ADAMTSL1: variants seen among roughly 807,000 people sequenced by gnomAD.
The protein encoded by ADAMTSL1 is ADAMTS-like protein 1.
A neutral mutation model predicts 201.8 loss-of-function variants in ADAMTSL1; 126 were observed. The observed-to-expected ratio is 0.62, with a 90% confidence interval of 0.54 to 0.72. The LOEUF (loss-of-function observed/expected upper bound fraction) is 0.72, where lower values mean the gene tolerates loss of function less well. Ranked by LOEUF, ADAMTSL1 falls within the 30% of genes least tolerant of loss-of-function variation. ADAMTSL1 has a pLI of 0.00. For missense variants in ADAMTSL1, 2,679 were observed against 2,277.8 expected, an observed-to-expected ratio of 1.18 and a Z score of -3.59; for synonymous variants, 1,121 against 903.4, an observed-to-expected ratio of 1.24 and a Z score of -4.32.
chr9:17,936,560 T>A (rs181825241), intron 1 of ADAMTSL1, among the ~76,000 whole-genome samples: 1 of 152,290 alleles, frequency 6.6e-6, no homozygotes, highest in Admixed American at 6.5e-5. Flanking sequence ...GCTCTAACAA[T>A]CTGTGAATGT....
At chr9:18,435,671 C>G (rs941871718) in intron 2 of ADAMTSL1, among the ~76,000 whole-genome samples, 5 of 152,132 alleles carry the variant, frequency 3.3e-5, no homozygotes, top group Non-Finnish European at 5.9e-5. Context: ...GTGTATTAAT[C>G]CATTTTCACA....
At chr9:18,557,893 C>T (rs1356638753) in intron 3 of ADAMTSL1, among the ~76,000 whole-genome samples, 1 of 151,840 alleles carries the variant, frequency 6.6e-6, no homozygotes, top group Non-Finnish European at 1.5e-5. Flanking sequence ...AGATTTTATT[C>T]CCTGTTGCCT....
chr9:18,073,794 A>T (rs1012130798), intron 1 of ADAMTSL1, among the ~76,000 whole-genome samples: 1 of 152,180 alleles, frequency 6.6e-6, no homozygotes, highest in African/African-American at 2.4e-5. Context: ...TGAGGGTGTC[A>T]CCCAACTTCA....
At chr9:18,693,805 C>G (rs1184244649) in intron 13 of ADAMTSL1, among the ~76,000 whole-genome samples, 1 of 152,120 alleles carries the variant, frequency 6.6e-6, no homozygotes, top group East Asian at 1.9e-4. Context: ...TTATCAAAGA[C>G]TGGTAGCTGT....
At chr9:18,512,880 T>C (rs1818117913) in intron 2 of ADAMTSL1, among the ~76,000 whole-genome samples, 1 of 152,202 alleles carries the variant, frequency 6.6e-6, no homozygotes, top group South Asian at 2.1e-4. Context: ...TTTTAAACAG[T>C]ATATGCAGTA....
intron 4 of ADAMTSL1, among the ~76,000 whole-genome samples, chr9:18,600,317 AT>A (rs1200418698): frequency 6.6e-6 from 1 of 152,228 alleles, no homozygotes; most frequent in Non-Finnish European, 1.5e-5. Context: ...TTAACATGCT[AT>A]TTAAACCTCA....
chr9:18,446,629 A>C (rs933617998), intron 2 of ADAMTSL1, among the ~76,000 whole-genome samples: 3 of 152,254 alleles, frequency 2.0e-5, no homozygotes, highest in African/African-American at 7.2e-5. Flanking sequence ...AAGCAACTTG[A>C]GGGAAACAAG....
chr9:18,655,681 A>C (rs1034312300), intron 7 of ADAMTSL1, among the ~76,000 whole-genome samples: 2 of 152,140 alleles, frequency 1.3e-5, no homozygotes, highest in East Asian at 3.9e-4. Context: ...CATCTCTTTG[A>C]ATCTAAACAA....
At chr9:18,212,222 C>A (rs897437583) in intron 2 of ADAMTSL1, among the ~76,000 whole-genome samples, 18 of 152,072 alleles carry the variant, frequency 1.2e-4, no homozygotes, top group African/African-American at 3.9e-4. Flanking sequence ...TTGAAGAAGA[C>A]TGATTGCTTT....
intron 2 of ADAMTSL1, among the ~76,000 whole-genome samples, chr9:18,271,893 T>C (rs1166151784): frequency 2.0e-5 from 3 of 152,036 alleles, no homozygotes; most frequent in Admixed American, 6.5e-5. Context: ...TGGTATCTCA[T>C]TGTGGTTTTG....
At chr9:18,555,633 A>G (rs921786578) in intron 3 of ADAMTSL1, among the ~76,000 whole-genome samples, 16 of 151,996 alleles carry the variant, frequency 1.1e-4, no homozygotes, top group South Asian at 6.2e-4. Flanking sequence ...ACAGGGTGCT[A>G]TGGCATCCCA....
chr9:18,014,451 G>A (rs1820173449), intron 1 of ADAMTSL1, among the ~76,000 whole-genome samples: 1 of 151,880 alleles, frequency 6.6e-6, no homozygotes, highest in Non-Finnish European at 1.5e-5. Flanking sequence ...TAACTCCTCT[G>A]GTGAAACAAC....
At chr9:18,070,642 C>T (rs1003984595) in intron 1 of ADAMTSL1, among the ~76,000 whole-genome samples, 5 of 149,920 alleles carry the variant, frequency 3.3e-5, no homozygotes, top group African/African-American at 1.3e-4. Flanking sequence ...GAGGGAGAAT[C>T]TGAAGATAAA....
chr9:18,423,606 C>G (rs1252846539), intron 2 of ADAMTSL1, among the ~76,000 whole-genome samples: 1 of 152,168 alleles, frequency 6.6e-6, no homozygotes, highest in East Asian at 1.9e-4. Context: ...ATTGTCCCTA[C>G]TAGCGAGGTA....
At chr9:18,350,107 C>A (rs1264605172) in intron 2 of ADAMTSL1, among the ~76,000 whole-genome samples, 1 of 151,946 alleles carries the variant, frequency 6.6e-6, no homozygotes, top group East Asian at 1.9e-4. Flanking sequence ...AGGGGTTTAA[C>A]TAATGTGGCA....
intron 2 of ADAMTSL1, among the ~76,000 whole-genome samples, chr9:18,399,855 C>G (rs748948441): frequency 5.9e-5 from 9 of 152,040 alleles, no homozygotes; most frequent in Non-Finnish European, 1.3e-4. Flanking sequence ...GGTGTTGGTG[C>G]TGGTCCAAAA....
intron 15 of ADAMTSL1, among the ~76,000 whole-genome samples, chr9:18,731,822 A>G (rs1311812689): frequency 6.6e-6 from 1 of 152,128 alleles, no homozygotes; most frequent in Non-Finnish European, 1.5e-5. Context: ...CTTTTAAATG[A>G]CCAGATATCA....
At chr9:18,493,285 G>A (rs1359702698) in intron 1 of ADAMTSL1, among the ~76,000 whole-genome samples, 1 of 152,110 alleles carries the variant, frequency 6.6e-6, no homozygotes, top group East Asian at 1.9e-4. Flanking sequence ...ACATCTCTCT[G>A]TGATCTATGG....
intron 2 of ADAMTSL1, among the ~76,000 whole-genome samples, chr9:18,421,117 C>T (rs936015112): frequency 2.6e-5 from 4 of 152,152 alleles, no homozygotes; most frequent in Non-Finnish European, 5.9e-5. Flanking sequence ...AAGAGAGGTC[C>T]CACATCACTG....
Sources: gnomAD v4.1 joint callset for allele counts (sites outside exome capture counted in the v4.1 genomes callset) on GRCh38, gnomAD v4.1.1 for gene constraint, MANE v1.5 for transcripts, NCBI Gene and HGNC (gene_info 2026-07-23, HGNC 2026-07-21) for gene names.